NFILZ: variants seen among roughly 807,000 people sequenced by gnomAD.
The protein encoded by NFILZ is NFIL3 like protein.
intron 3 of NFILZ, among the ~76,000 whole-genome samples, chr19:8,638,288 C>T (rs1404636096): frequency 2.6e-5 from 4 of 152,172 alleles, no homozygotes; most frequent in South Asian, 2.1e-4. Context: ...GGAATTTACA[C>T]GTGCGTTCAT....
intron 3 of NFILZ, among the ~76,000 whole-genome samples, chr19:8,659,437 GAGCGTTGC>G (rs375994678): frequency 9.8e-4 from 149 of 152,020 alleles, no homozygotes; most frequent in African/African-American, 3.4e-3. Context: ...AGAGGAGGAA[GAGCGTTGC>G]AGGCACTGGA....
chr19:8,675,636 A>G (rs1162475600), intron 4 of NFILZ, among the ~76,000 whole-genome samples: 1 of 152,230 alleles, frequency 6.6e-6, no homozygotes, highest in Non-Finnish European at 1.5e-5. Flanking sequence ...GCATAATGGC[A>G]TACAAGTGTA....
intron 3 of NFILZ, among the ~76,000 whole-genome samples, chr19:8,663,805 G>A (rs1279895713): frequency 2.1e-5 from 2 of 97,332 alleles, no homozygotes; most frequent in African/African-American, 1.0e-4. Flanking sequence ...GGGACTTGGT[G>A]GCCTGAGTGG....
chr19:8,664,306 T>C (rs566518112), intron 3 of NFILZ, among the ~76,000 whole-genome samples: 1 of 152,302 alleles, frequency 6.6e-6, no homozygotes, highest in Non-Finnish European at 1.5e-5. Context: ...AAGTGTGTCT[T>C]TGGCAGAGCA....
At chr19:8,643,804 C>T (rs1037239624) in intron 3 of NFILZ, among the ~76,000 whole-genome samples, 1 of 152,042 alleles carries the variant, frequency 6.6e-6, no homozygotes, top group Non-Finnish European at 1.5e-5. Flanking sequence ...ATCAGATGAG[C>T]CCTGTAATTA....
chr19:8,656,935 G>A (rs747217471), intron 3 of NFILZ, among the ~76,000 whole-genome samples: 4 of 152,238 alleles, frequency 2.6e-5, no homozygotes, highest in Admixed American at 1.3e-4. Context: ...GGTTAGGTGG[G>A]TCCAGTCACC....
intron 3 of NFILZ, among the ~76,000 whole-genome samples, chr19:8,660,570 CCCCT>C (rs1315880512): frequency 8.3e-6 from 1 of 119,798 alleles, no homozygotes. Context: ...CTTCCTTCCT[CCCCT>C]CCCTCCCTCC....
At chr19:8,665,956 G>T (rs1460339056) in intron 3 of NFILZ, among the ~76,000 whole-genome samples, 1 of 152,178 alleles carries the variant, frequency 6.6e-6, no homozygotes, top group Non-Finnish European at 1.5e-5. Context: ...CAAAAGAAAA[G>T]CTTGTGGGCT....
chr19:8,650,776 T>G (rs2042961687), intron 3 of NFILZ, among the ~76,000 whole-genome samples: 1 of 152,150 alleles, frequency 6.6e-6, no homozygotes, highest in Non-Finnish European at 1.5e-5. Context: ...TTACTTGGAT[T>G]TCTCTAGTTA....
intron 3 of NFILZ, among the ~76,000 whole-genome samples, chr19:8,659,307 C>T (rs2043019280): frequency 6.6e-6 from 1 of 151,942 alleles, no homozygotes; most frequent in Admixed American, 6.6e-5. Flanking sequence ...TACACAGATA[C>T]CTGTAAAATC....
At chr19:8,648,037 G>T (rs2042949653) in intron 3 of NFILZ, among the ~76,000 whole-genome samples, 1 of 151,826 alleles carries the variant, frequency 6.6e-6, no homozygotes, top group African/African-American at 2.4e-5. Flanking sequence ...AGCCGGGCAT[G>T]GTAGCGGGTG....
rs148226016 is a variant in NFILZ at position 8,675,275 on chromosome 19, T to TG, written c.-114+677dup. On this transcript the variant is annotated intron_variant, in intron 4 of 5. Transcript: ENST00000691075. ...TAGACAGGCTCCTTCCGCCTTGCTG[T>TG]GGTTTTTCTCTCCACCTGTTTTGTA... Among the ~76,000 whole-genome samples the TG allele has an allele frequency of 1.1e-3, 175 of 152,336 alleles. 1 individual carries two copies. The East Asian group carries it at 0.031, about 27-fold the overall frequency.
At position 8,653,048 on chromosome 19, in the gene NFILZ, CTCTCT is replaced by C. The variant is rs2042976187; in HGVS notation, c.-164+17303_-164+17307del. Among the ~76,000 whole-genome samples, 3 of 86,398 alleles carry C rather than the reference CTCTCT, an allele frequency of 3.5e-5. No individual in the cohort carries two copies. The Admixed American group carries it at 4.1e-4, about 12-fold the overall frequency. 56.7% of individuals were successfully genotyped at this position (86,398 alleles called of 152,430 possible). The stretch of plus-strand genomic sequence containing the variant: ...TCTTTCTTTCTTTCTTTCTCTCTCT[CTCTCT>C]CTCTCTCTCTCTCTCTCTCTCTCTC... On this transcript the variant is annotated intron_variant, in intron 3 of 5. Transcript: ENST00000691075.
At chr19:8,631,366 G>T (rs1395049246) in intron 1 of NFILZ, among the ~76,000 whole-genome samples, 3 of 152,126 alleles carry the variant, frequency 2.0e-5, no homozygotes, top group African/African-American at 7.2e-5. Context: ...AGGGAGGCTG[G>T]AGGGGGTCAG....
chr19:8,653,038 T>TTCTCTC (rs1163296485), intron 3 of NFILZ, among the ~76,000 whole-genome samples: 1 of 90,502 alleles, frequency 1.1e-5, no homozygotes, highest in African/African-American at 4.7e-5. Context: ...CTTTCTTTCT[T>TTCTCTC]TCTCTCTCTC....
At chr19:8,656,702 G>C (rs1294444010) in intron 3 of NFILZ, among the ~76,000 whole-genome samples, 2 of 152,372 alleles carry the variant, frequency 1.3e-5, no homozygotes, top group Non-Finnish European at 2.9e-5. Context: ...GAATGGAAGA[G>C]CATGGCCTCC....
intron 2 of NFILZ, among the ~76,000 whole-genome samples, chr19:8,634,286 C>T (rs1203882103): frequency 6.6e-6 from 1 of 151,950 alleles, no homozygotes; most frequent in African/African-American, 2.4e-5. Flanking sequence ...CGTGAGCCAC[C>T]CTGCCTGGCC....
intron 3 of NFILZ, among the ~76,000 whole-genome samples, chr19:8,636,959 G>C (rs1375765728): frequency 1.3e-5 from 2 of 152,282 alleles, no homozygotes; most frequent in Middle Eastern, 6.8e-3. Context: ...GACAGTCAGG[G>C]ATAGAGCTGG....
chr19:8,631,314 A>G (rs2042868345), intron 1 of NFILZ, among the ~76,000 whole-genome samples: 2 of 152,064 alleles, frequency 1.3e-5, no homozygotes, highest in African/African-American at 4.8e-5. Flanking sequence ...GGGGTGGCCC[A>G]GTGGGGTTGC....
Sources: gnomAD v4.1 joint callset for allele counts (sites outside exome capture counted in the v4.1 genomes callset) on GRCh38, gnomAD v4.1.1 for gene constraint, MANE v1.5 for transcripts, NCBI Gene and HGNC (gene_info 2026-07-23, HGNC 2026-07-21) for gene names.